RPS6KC1: variants seen among roughly 807,000 people sequenced by gnomAD.
RPS6KC1 encodes inactive ribosomal protein S6 kinase delta-1.
In RPS6KC1, 54 loss-of-function variants were observed where a neutral mutation model predicts 103.8. The ratio of observed to expected loss-of-function variants is 0.52; its 90% CI spans 0.42 to 0.65. The LOEUF (loss-of-function observed/expected upper bound fraction) is 0.65. RPS6KC1 is among the 30% of genes least tolerant of loss of function. The pLI, the probability that RPS6KC1 is intolerant of heterozygous loss-of-function variation, is 0.00. For missense variants in RPS6KC1, 1,151 were observed against 1,253.8 expected, an observed-to-expected ratio of 0.92 and a Z score of 1.24; for synonymous variants, 439 against 438.7, an observed-to-expected ratio of 1.00 and a Z score of -0.01.
the RPS6KC1 span, among the ~76,000 whole-genome samples, chr1:213,370,011 C>T: frequency 2.0e-5 from 3 of 152,182 alleles, no homozygotes; most frequent in African/African-American, 7.2e-5. Flanking sequence ...TAATTCTGCT[C>T]TCACTCACTA....
At chr1:213,305,866 A>G in the RPS6KC1 span, among the ~76,000 whole-genome samples, 1 of 152,160 alleles carries the variant, frequency 6.6e-6, no homozygotes, top group Non-Finnish European at 1.5e-5. Context: ...TCATCGACTG[A>G]CTTGACCCTG....
At chr1:213,834,708 G>A in the RPS6KC1 span, among the ~76,000 whole-genome samples, 2 of 145,344 alleles carry the variant, frequency 1.4e-5, no homozygotes, top group Non-Finnish European at 3.0e-5. Flanking sequence ...ACACACACAC[G>A]TACACACACA....
At chr1:213,438,036 A>G in the RPS6KC1 span, among the ~76,000 whole-genome samples, 3 of 151,922 alleles carry the variant, frequency 2.0e-5, no homozygotes, top group East Asian at 1.9e-4. Flanking sequence ...CTGTGTATCT[A>G]TCTTCCAGTT....
the RPS6KC1 span, among the ~76,000 whole-genome samples, chr1:213,635,245 A>G: frequency 2.0e-5 from 3 of 152,208 alleles, no homozygotes; most frequent in Non-Finnish European, 2.9e-5. Flanking sequence ...CAATAGAAAA[A>G]GAGGGAATCC....
the RPS6KC1 span, among the ~76,000 whole-genome samples, chr1:213,316,308 T>C: frequency 6.6e-6 from 1 of 152,200 alleles, no homozygotes; most frequent in Non-Finnish European, 1.5e-5. Context: ...CCTCTTTTCT[T>C]TGTAAATTAC....
chr1:213,636,016 C>T, the RPS6KC1 span, among the ~76,000 whole-genome samples: 1 of 152,140 alleles, frequency 6.6e-6, no homozygotes, highest in Non-Finnish European at 1.5e-5. Flanking sequence ...CTTCCATTCA[C>T]AATTGCTACA....
At chr1:213,192,511 T>C (rs764331605) in intron 8 of RPS6KC1, among the ~76,000 whole-genome samples, 5 of 152,174 alleles carry the variant, frequency 3.3e-5, no homozygotes, top group Non-Finnish European at 7.4e-5. Flanking sequence ...CCTGGGCTTC[T>C]CTTGCTAGGA....
chr1:213,538,743 G>T, the RPS6KC1 span, among the ~76,000 whole-genome samples: 6 of 152,240 alleles, frequency 3.9e-5, no homozygotes, highest in East Asian at 1.2e-3. Context: ...TACTCATCCT[G>T]CCTCTGAAGA....
chr1:213,299,190 A>G, the RPS6KC1 span, among the ~76,000 whole-genome samples: 1 of 152,232 alleles, frequency 6.6e-6, no homozygotes, highest in African/African-American at 2.4e-5. Context: ...CATTCTTTGT[A>G]TGACCTAGCT....
chr1:213,113,272 A>G (rs1011690637), intron 4 of RPS6KC1, among the ~76,000 whole-genome samples: 4 of 151,390 alleles, frequency 2.6e-5, no homozygotes, highest in African/African-American at 7.3e-5. Flanking sequence ...GTGTGAGATG[A>G]TATCTCATTG....
the RPS6KC1 span, among the ~76,000 whole-genome samples, chr1:213,769,513 T>G: frequency 3.5e-5 from 3 of 86,898 alleles, no homozygotes; most frequent in Non-Finnish European, 4.9e-5. Flanking sequence ...GAGAGAGAGA[T>G]GGACAGAGAG....
the RPS6KC1 span, among the ~76,000 whole-genome samples, chr1:213,566,007 G>T: frequency 2.0e-5 from 3 of 151,004 alleles, no homozygotes; most frequent in African/African-American, 7.3e-5. Context: ...TCTGTAATTT[G>T]CTGTGAAATG....
At chr1:213,846,896 G>C in the RPS6KC1 span, among the ~76,000 whole-genome samples, 8 of 152,044 alleles carry the variant, frequency 5.3e-5, no homozygotes, top group Non-Finnish European at 1.2e-4. Context: ...TAGGAGTCCA[G>C]GGATCTAAGC....
At chr1:213,624,879 T>C in the RPS6KC1 span, among the ~76,000 whole-genome samples, 12 of 152,266 alleles carry the variant, frequency 7.9e-5, no homozygotes, top group South Asian at 4.2e-4. Context: ...TACCATTACA[T>C]TGGGGATTAG....
At chr1:213,189,160 G>T (rs895277509) in intron 8 of RPS6KC1, among the ~76,000 whole-genome samples, 1 of 152,034 alleles carries the variant, frequency 6.6e-6, no homozygotes, top group East Asian at 1.9e-4. Flanking sequence ...CAATAAAAGT[G>T]TACCTTGGCC....
At chr1:213,439,723 T>C in the RPS6KC1 span, among the ~76,000 whole-genome samples, 1 of 152,158 alleles carries the variant, frequency 6.6e-6, no homozygotes, top group Non-Finnish European at 1.5e-5. Context: ...TTAAAATGGT[T>C]CTTATTATCC....
At chr1:213,611,347 C>T in the RPS6KC1 span, among the ~76,000 whole-genome samples, 3 of 152,056 alleles carry the variant, frequency 2.0e-5, no homozygotes, top group African/African-American at 2.4e-5. Context: ...ATGTTTTTCT[C>T]GGCTCACCCA....
In RPS6KC1 at chr1:213,220,239, AT is replaced by A. The variant is rs778590972; in HGVS notation, c.1045-10256del. Among the ~76,000 whole-genome samples the A allele has an allele frequency of 3.2e-4, 49 of 152,350 alleles. No homozygotes were observed. In the Middle Eastern group the frequency reaches 0.01, roughly 32 times the overall value. On this transcript the variant is annotated intron_variant, in intron 8 of 14. Transcript: ENST00000366960. The stretch of plus-strand genomic sequence containing the variant: ...ATGTTTAATAATGCCCTATCTTTAA[AT>A]TAGTTTATAACTAATTCTCTGTGGA...
chr1:213,414,746 T>C, the RPS6KC1 span, among the ~76,000 whole-genome samples: 1 of 145,560 alleles, frequency 6.9e-6, no homozygotes, highest in South Asian at 2.2e-4. Flanking sequence ...ATAAAATCTT[T>C]GAAAGATCTT....
Sources: allele counts gnomAD v4.1 joint callset (sites outside exome capture counted in the v4.1 genomes callset), GRCh38; gene constraint gnomAD v4.1.1; transcripts MANE v1.5; gene names NCBI Gene and HGNC (gene_info 2026-07-23, HGNC 2026-07-21).